The following PTN variants were observed in gnomAD, a reference collection of about 807,000 sequenced individuals.
PTN encodes heparin affin regulatory protein.
A neutral mutation model predicts 24.1 loss-of-function variants in PTN; 18 were observed. The observed-to-expected ratio is 0.75, with a 90% confidence interval of 0.52 to 1.11. The LOEUF (loss-of-function observed/expected upper bound fraction) is 1.11. PTN is among the 50% of genes least tolerant of loss of function. The pLI, the probability that PTN is intolerant of heterozygous loss-of-function variation, is 0.00. For missense variants in PTN, 163 were observed against 198.8 expected (o/e 0.82, Z 1.08); for synonymous variants, 78 against 68.6 (o/e 1.14, Z -0.67).
At chr7:137,249,425 T>C (rs930812281) in intron 4 of PTN, among the ~76,000 whole-genome samples, 11 of 152,248 alleles carry the variant, frequency 7.2e-5, no homozygotes, top group Non-Finnish European at 1.5e-4. Context: ...TTTAAACTAC[T>C]GATGCTGATT....
chr7:137,335,928 C>CCTTTTTTTTTTTTTTTTATTTTTTTT (rs1452375474), intron 1 of PTN, among the ~76,000 whole-genome samples: 1 of 141,896 alleles, frequency 7.0e-6, no homozygotes. Flanking sequence ...TGTCTTCTCG[C>CCTTTTTTTTTTTTTTTTATTTTTTTT]TTTTTTTTTT....
intron 1 of PTN, among the ~76,000 whole-genome samples, chr7:137,270,996 A>G (rs1563207141): frequency 1.3e-5 from 2 of 152,190 alleles, no homozygotes; most frequent in African/African-American, 4.8e-5. Context: ...AAGGCCTCCA[A>G]GCTTTTAACA....
intron 1 of PTN, among the ~76,000 whole-genome samples, chr7:137,297,844 T>C (rs1420128638): frequency 6.6e-6 from 1 of 151,912 alleles, no homozygotes; most frequent in South Asian, 2.1e-4. Context: ...ATAGAAGATA[T>C]CCAGAAGAGC....
intron 1 of PTN, among the ~76,000 whole-genome samples, chr7:137,302,000 G>A (rs1809814456): frequency 6.6e-6 from 1 of 151,890 alleles, no homozygotes. Context: ...AATCTTAAAA[G>A]CATTCTTTTC....
chr7:137,306,201 G>T (rs921078409), intron 1 of PTN, among the ~76,000 whole-genome samples: 1 of 152,028 alleles, frequency 6.6e-6, no homozygotes, highest in Non-Finnish European at 1.5e-5. Context: ...CTCTTTAAAT[G>T]GGGATTTGGG....
intron 1 of PTN, among the ~76,000 whole-genome samples, chr7:137,294,263 C>T (rs753279739): frequency 2.0e-4 from 31 of 151,998 alleles, no homozygotes; most frequent in Non-Finnish European, 3.7e-4. Flanking sequence ...CTGCTTAGGT[C>T]CTTAGTAGGG....
intron 1 of PTN, among the ~76,000 whole-genome samples, chr7:137,259,971 C>T (rs1367601678): frequency 1.3e-5 from 2 of 152,036 alleles, no homozygotes; most frequent in Admixed American, 6.6e-5. Flanking sequence ...TATTATGTCT[C>T]CCACTTTTTA....
At chr7:137,317,322 T>C (rs1452088807) in intron 1 of PTN, among the ~76,000 whole-genome samples, 3 of 152,208 alleles carry the variant, frequency 2.0e-5, no homozygotes, top group African/African-American at 7.2e-5. Flanking sequence ...TTTTTTCCTA[T>C]GTGGTTAGTG....
intron 1 of PTN, among the ~76,000 whole-genome samples, chr7:137,256,636 T>G (rs966447435): frequency 1.3e-4 from 20 of 152,212 alleles, no homozygotes; most frequent in Admixed American, 3.9e-4. Context: ...TGTGTGCCTG[T>G]GTCTTTATAT....
In PTN at chr7:137,254,945, C is replaced by T. The variant is rs768633698; in HGVS notation, c.29G>A (p.Arg10His). The T allele has an allele frequency of 5.1e-5, 80 of 1,576,302 alleles. No individual in the cohort carries two copies. Among genetic ancestry groups the T allele is most frequent in the South Asian group, 1.2e-4 (10 of 86,790 alleles). Residue 10 changes from arginine to histidine, a missense_variant, in exon 2 of 5, where the codon CGT (arginine) becomes CAT (histidine). Arg to His is a conservative substitution (Grantham distance 29). Coordinates refer to ENST00000348225, the MANE Select transcript of PTN (RefSeq NM_002825.7). Reference protein sequence around the residue: MQAQQYQQQRRKFAAAFLAF... With the variant: MQAQQYQQQHRKFAAAFLAF... ...CAAGAAGGCAGCTGCAAATTTTCGA[C>T]GCTGCTGCTGGTACTGTTGAGCCTG...
chr7:137,289,397 C>A (rs1395125276), intron 1 of PTN, among the ~76,000 whole-genome samples: 1 of 152,140 alleles, frequency 6.6e-6, no homozygotes, highest in East Asian at 1.9e-4. Flanking sequence ...AAAAGATACT[C>A]CCAAGAACAC....
intron 1 of PTN, among the ~76,000 whole-genome samples, chr7:137,277,900 TGAGATGATAGATAGATAGATAGATA>T (rs1201354479): frequency 5.7e-4 from 86 of 149,782 alleles, no homozygotes; most frequent in African/African-American, 1.4e-3. Flanking sequence ...GATAGATAGA[TGAGATGATAGATAGATAGATAGATA>T]GATAGATAGA....
intron 1 of PTN, among the ~76,000 whole-genome samples, chr7:137,289,212 T>C (rs1809603438): frequency 6.6e-6 from 1 of 152,172 alleles, no homozygotes; most frequent in South Asian, 2.1e-4. Flanking sequence ...GAAGGGAACA[T>C]AGCTATTGTC....
At chr7:137,276,278 C>A (rs1809357530) in intron 1 of PTN, among the ~76,000 whole-genome samples, 1 of 152,178 alleles carries the variant, frequency 6.6e-6, no homozygotes, top group Non-Finnish European at 1.5e-5. Flanking sequence ...TATTGCAAGG[C>A]AAGTCCCTGA....
intron 4 of PTN, among the ~76,000 whole-genome samples, chr7:137,245,845 G>A (rs1231207121): frequency 6.6e-6 from 1 of 152,110 alleles, no homozygotes; most frequent in Non-Finnish European, 1.5e-5. Flanking sequence ...AATGCTTATG[G>A]AATAAAGATA....
intron 1 of PTN, among the ~76,000 whole-genome samples, chr7:137,341,212 G>A (rs1277892189): frequency 6.6e-6 from 1 of 152,114 alleles, no homozygotes; most frequent in East Asian, 1.9e-4. Context: ...ACTAAAAAAA[G>A]TGATTCAACT....
chr7:137,295,217 A>C (rs1298013725), intron 1 of PTN, among the ~76,000 whole-genome samples: 1 of 152,194 alleles, frequency 6.6e-6, no homozygotes, highest in East Asian at 1.9e-4. Context: ...TTACACATAG[A>C]ACAATGAATA....
chr7:137,294,771 A>G (rs1283897633), intron 1 of PTN, among the ~76,000 whole-genome samples: 3 of 152,156 alleles, frequency 2.0e-5, no homozygotes, highest in Non-Finnish European at 2.9e-5. Flanking sequence ...GATGTACGCC[A>G]TTTCCATTAG....
chr7:137,310,404 G>GTTTTTTTTTTTTTTTTTTTTTTTTTTTTT (rs60905346), intron 1 of PTN, among the ~76,000 whole-genome samples: 1 of 115,816 alleles, frequency 8.6e-6, no homozygotes. Flanking sequence ...TTTTTTTTTT[G>GTTTTTTTTTTTTTTTTTTTTTTTTTTTTT]TTTTTTTTTT....
Sources: allele counts gnomAD v4.1 joint callset (sites outside exome capture counted in the v4.1 genomes callset), GRCh38; gene constraint gnomAD v4.1.1; transcripts MANE v1.5; gene names NCBI Gene and HGNC (gene_info 2026-07-23, HGNC 2026-07-21).